The following ZHX2 variants were observed in gnomAD, a reference collection of about 807,000 sequenced individuals.
The protein encoded by ZHX2 is zinc fingers and homeoboxes protein 2.
Under a neutral mutation model 21.9 loss-of-function variants are expected in ZHX2, and 6 were observed. The observed-to-expected ratio is 0.27, with a 90% CI of 0.15 to 0.54. ZHX2 has a LOEUF of 0.54. Ranked by LOEUF, ZHX2 falls within the 20% of genes least tolerant of loss-of-function variation. ZHX2 has a pLI of 0.95. For synonymous variants in ZHX2, 434 were observed against 437.1 expected (o/e 0.99, Z 0.09); for missense variants, 908 against 1,090.7 (o/e 0.83, Z 2.36).
At chr8:122,817,570 G>A (rs1368981807) in intron 1 of ZHX2, among the ~76,000 whole-genome samples, 1 of 152,218 alleles carries the variant, frequency 6.6e-6, no homozygotes, top group Non-Finnish European at 1.5e-5. Context: ...GAAGAAAAAG[G>A]TTTGAACTGA....
intron 2 of ZHX2, among the ~76,000 whole-genome samples, chr8:122,889,318 G>T (rs1819920920): frequency 1.3e-5 from 2 of 152,076 alleles, no homozygotes; most frequent in Non-Finnish European, 2.9e-5. Context: ...TTTCCATAGA[G>T]GCTGTACTAA....
intron 2 of ZHX2, among the ~76,000 whole-genome samples, chr8:122,881,311 A>G (rs1819709450): frequency 6.6e-6 from 1 of 152,164 alleles, no homozygotes; most frequent in South Asian, 2.1e-4. Flanking sequence ...AAAGTCTGAT[A>G]CTAATTAAAG....
intron 2 of ZHX2, among the ~76,000 whole-genome samples, chr8:122,906,601 T>C (rs528118766): frequency 2.0e-5 from 3 of 152,220 alleles, no homozygotes; most frequent in East Asian, 1.9e-4. Context: ...CTTCTGGGGA[T>C]TGGAAATAGA....
intron 2 of ZHX2, among the ~76,000 whole-genome samples, chr8:122,949,141 A>G (rs1049314061): frequency 4.6e-5 from 7 of 152,190 alleles, no homozygotes; most frequent in African/African-American, 1.7e-4. Context: ...CCTGACCAAC[A>G]TGGAGAAACC....
rs556325951 is a variant in ZHX2 at position 122,953,842 on chromosome 8, G to A, written c.2332G>A (p.Asp778Asn). 15 of 1,614,242 alleles carry A rather than the reference G, an allele frequency of 9.3e-6. No homozygotes were observed. Among genetic ancestry groups the A allele is most frequent in the South Asian group, 4.4e-5 (4 of 91,078 alleles). ...AGACCGGTCAGAGGGCAGCAGCCGG[G>A]ACGGCCAGGGTAGCGACGAGAACGA... ...TSDRSEGSSR[D>N]GQGSDENEES... Residue 778 changes from aspartate (D) to asparagine (N), a missense_variant, in exon 3 of 4, where the codon GAC (aspartate) becomes AAC (asparagine). This residue lies in a region of ZHX2 where 431 missense variants were observed against 428.6 expected (regional missense o/e 1.01). Transcript: ENST00000314393. This position sits in a 1 kb window ranked among gnomAD's most constrained non-coding sequence, Gnocchi z 4.6.
intron 1 of ZHX2, among the ~76,000 whole-genome samples, chr8:122,840,599 GA>G (rs1818602195): frequency 6.6e-6 from 1 of 152,208 alleles, no homozygotes; most frequent in Admixed American, 6.5e-5. Context: ...TACAAGCACA[GA>G]AAGTACTTGT....
intron 1 of ZHX2, among the ~76,000 whole-genome samples, chr8:122,787,105 G>GTA (rs1214814629): frequency 6.6e-6 from 1 of 151,736 alleles, no homozygotes; most frequent in Non-Finnish European, 1.5e-5. Flanking sequence ...GTGTGTGTGT[G>GTA]TGTGTGTGTA....
chr8:122,907,930 G>A (rs958174510), intron 2 of ZHX2, among the ~76,000 whole-genome samples: 2 of 152,162 alleles, frequency 1.3e-5, no homozygotes, highest in Non-Finnish European at 2.9e-5. Flanking sequence ...AATGCCTATT[G>A]CTGCATTTTC....
Position 122,953,855 on chromosome 8 carries a change from G to C in ZHX2, c.2345G>C (p.Ser782Thr), listed in dbSNP as rs1438795274. 5 of 1,614,232 alleles carry C rather than the reference G, an allele frequency of 3.1e-6. No individual in the cohort carries two copies. Among genetic ancestry groups the C allele is most frequent in the Non-Finnish European group, 4.2e-6 (5 of 1,180,024 alleles). The change falls in exon 3 of 4, where the codon AGC becomes ACC. Residue 782 changes from serine (S) to threonine (T), a missense_variant. By Grantham distance (58) the Ser-to-Thr change is moderately conservative. Coordinates refer to ENST00000314393, the MANE Select transcript of ZHX2 (RefSeq NM_014943.5). The surrounding 1 kb of genome is among the most constrained non-coding windows in gnomAD (Gnocchi z 4.6). ...GGCAGCAGCCGGGACGGCCAGGGTAGCGACGAGAACGAGGAGTCGAGCGTT... is the reference window on the plus strand; with the variant it reads ...GGCAGCAGCCGGGACGGCCAGGGTACCGACGAGAACGAGGAGTCGAGCGTT... ...SEGSSRDGQGSDENEESSVVD... is the reference protein window; with the variant it reads ...SEGSSRDGQGTDENEESSVVD...
In ZHX2 at chr8:122,842,376, C is replaced by A. The variant is rs564662099; in HGVS notation, c.-282-21101C>A. Among the ~76,000 whole-genome samples, 6 of 152,294 alleles carry A rather than the reference C, an allele frequency of 3.9e-5. No homozygotes were observed. In the East Asian group the frequency reaches 1.2e-3, roughly 29 times the overall value. ...AGCAAATTCTCCCAACAAACTGAAC[C>A]GCTAGTTCAGTGGGAACATCAGGGA... is the stretch of plus-strand genomic sequence containing the variant. On this transcript the variant is annotated intron_variant, in intron 1 of 3. Transcript: ENST00000314393.
At chr8:122,925,652 TG>T (rs1820831782) in intron 2 of ZHX2, among the ~76,000 whole-genome samples, 2 of 152,264 alleles carry the variant, frequency 1.3e-5, no homozygotes, top group African/African-American at 4.8e-5. Context: ...GAGAGAGGGC[TG>T]GTTCAGGCAG....
At chr8:122,888,574 C>T (rs775570584) in intron 2 of ZHX2, among the ~76,000 whole-genome samples, 7 of 152,098 alleles carry the variant, frequency 4.6e-5, no homozygotes, top group Admixed American at 2.0e-4. Context: ...CTCCGCCTCC[C>T]GGGTTCAAAA....
intron 1 of ZHX2, among the ~76,000 whole-genome samples, chr8:122,857,605 G>A (rs907947474): frequency 6.6e-6 from 1 of 151,994 alleles, no homozygotes; most frequent in Non-Finnish European, 1.5e-5. Flanking sequence ...GTTGAAGTTA[G>A]GTTGTGGCTG....
At chr8:122,950,990 C>G (rs963252995) in intron 2 of ZHX2, among the ~76,000 whole-genome samples, 1 of 152,134 alleles carries the variant, frequency 6.6e-6, no homozygotes, top group Non-Finnish European at 1.5e-5. Context: ...GCGACTCCCT[C>G]TCACCGCTTC....
chr8:122,845,258 G>A (rs1427883051), intron 1 of ZHX2, among the ~76,000 whole-genome samples: 2 of 152,196 alleles, frequency 1.3e-5, no homozygotes, highest in Non-Finnish European at 2.9e-5. Context: ...TACAAGGGTT[G>A]GCACAAAGTA....
intron 2 of ZHX2, among the ~76,000 whole-genome samples, chr8:122,939,310 A>G (rs1442453186): frequency 6.6e-6 from 1 of 152,240 alleles, no homozygotes; most frequent in Non-Finnish European, 1.5e-5. Flanking sequence ...TCTCCCACTC[A>G]GGAGCCTGAC....
At chr8:122,823,781 T>A (rs780931054) in intron 1 of ZHX2, among the ~76,000 whole-genome samples, 2 of 152,226 alleles carry the variant, frequency 1.3e-5, no homozygotes, top group Non-Finnish European at 2.9e-5. Flanking sequence ...CAGTTACGGC[T>A]GCTGTTGACA....
chr8:122,863,292 CAG>C, intron 1 of ZHX2, 183 bp from the exon 2 acceptor site: 1 of 141,930 alleles, frequency 7.0e-6, no homozygotes, highest in East Asian at 2.1e-4. Flanking sequence ...TTTTCTTTCT[CAG>C]AATCGCCACA....
At chr8:122,935,655 C>T (rs1812666361) in intron 2 of ZHX2, among the ~76,000 whole-genome samples, 1 of 151,968 alleles carries the variant, frequency 6.6e-6, no homozygotes, top group South Asian at 2.1e-4. Flanking sequence ...CCTGCCTCAG[C>T]CTCCCAAGTA....
Sources: allele counts gnomAD v4.1 joint callset (sites outside exome capture counted in the v4.1 genomes callset), GRCh38; gene constraint gnomAD v4.1.1; regional missense constraint gnomAD v4.1.1; non-coding constraint Gnocchi (gnomAD v3.1); transcripts MANE v1.5; gene names NCBI Gene and HGNC (gene_info 2026-07-23, HGNC 2026-07-21).